Variants in EPHX1 observed in about 807,000 individuals in gnomAD.
The protein encoded by EPHX1 is epoxide hydrolase 1, also known as epoxide hydratase.
Under a neutral mutation model 43.2 loss-of-function variants are expected in EPHX1, and 40 were observed. The ratio of observed to expected loss-of-function variants is 0.93; its 90% CI spans 0.72 to 1.21. EPHX1 has a LOEUF of 1.21. EPHX1 is among the 50% of genes most tolerant of loss of function. EPHX1 has a pLI of 0.00. For missense variants in EPHX1, 550 were observed against 570.4 expected (o/e 0.96, Z 0.36); for synonymous variants, 221 against 226.7 (o/e 0.98, Z 0.22).
intron 3 of EPHX1, among the ~76,000 whole-genome samples, chr1:225,834,265 C>T (rs1216188818): frequency 1.3e-5 from 2 of 151,072 alleles, no homozygotes; most frequent in Non-Finnish European, 2.9e-5. Flanking sequence ...ATTAGCTGGG[C>T]ATGGTGGCAC....
At chr1:225,844,216 AG>A (rs1291094371) in intron 7 of EPHX1, among the ~76,000 whole-genome samples, 9 of 149,510 alleles carry the variant, frequency 6.0e-5, no homozygotes, top group Admixed American at 5.3e-4. Context: ...GAGGGGAGGG[AG>A]GAGAGGTCAG....
In EPHX1 at chr1:225,845,103, C is replaced by CAGGGCCA. The variant is rs760222387; in HGVS notation, c.1167-42_1167-36dup. The CAGGGCCA allele has an allele frequency of 2.4e-5, 38 of 1,603,892 alleles. No homozygotes were observed. In the African/African-American group the frequency reaches 3.9e-4, roughly 16 times the overall value. On this transcript the variant is annotated intron_variant, in intron 8 of 8. Coordinates refer to ENST00000272167, the MANE Select transcript of EPHX1 (RefSeq NM_001136018.4). ...CCCTGCTGTGCAGGACGGAGGGGCG[C>CAGGGCCA]AGGGCCACAGCCTCACCCCTCCGTC...
At chr1:225,837,579 G>A (rs991178168) in intron 3 of EPHX1, among the ~76,000 whole-genome samples, 1 of 152,212 alleles carries the variant, frequency 6.6e-6, no homozygotes, top group Non-Finnish European at 1.5e-5. Flanking sequence ...GTGTGGTGGT[G>A]TGATCTCGGC....
intron 2 of EPHX1, 101 bp downstream of exon 2, chr1:225,829,013 G>C: frequency 7.4e-7 from 1 of 1,352,304 alleles, no homozygotes; most frequent in Non-Finnish European, 1.0e-6. Context: ...ACGGGGGCTT[G>C]GGAATGGTCC....
At position 225,833,039 on chromosome 1, in the gene EPHX1, C is replaced by T. The variant is rs116645885; in HGVS notation, c.364+1080C>T. On this transcript the variant is annotated intron_variant, in intron 3 of 8. Coordinates refer to ENST00000272167, the MANE Select transcript of EPHX1 (RefSeq NM_001136018.4). The stretch of plus-strand genomic sequence containing the variant: ...CTGTGTTGCTCAGGCTGGAGTGCAG[C>T]GGCTATTCACAGGCGTGATCATGGC... 3.3e-3 allele frequency among the ~76,000 whole-genome samples: 498 copies of T among 152,290 alleles called. 1 individual carries two copies. Among genetic ancestry groups the T allele is most frequent in the Non-Finnish European group, 5.5e-3 (375 of 68,018 alleles).
intron 1 of EPHX1, among the ~76,000 whole-genome samples, chr1:225,827,678 GT>G (rs1667317016): frequency 6.6e-6 from 1 of 152,216 alleles, no homozygotes; most frequent in Admixed American, 6.5e-5. Context: ...AGGGTATGGA[GT>G]TTCTCCGTGC....
At chr1:225,839,607 G>C (rs1170143223) in intron 5 of EPHX1, among the ~76,000 whole-genome samples, 1 of 152,086 alleles carries the variant, frequency 6.6e-6, no homozygotes, top group Non-Finnish European at 1.5e-5. Context: ...CTCTCTGCTG[G>C]ACCAAGCTCT....
intron 4 of EPHX1, 139 bp downstream of exon 4, chr1:225,839,020 G>A: frequency 7.6e-7 from 1 of 1,320,266 alleles, no homozygotes; most frequent in Non-Finnish European, 1.1e-6. Context: ...TGAGAGGCCG[G>A]CCCCAGACAC....
At chr1:225,832,220 A>G (rs918686803) in intron 3 of EPHX1, 2 of 464,654 alleles carry the variant, frequency 4.3e-6, no homozygotes, top group African/African-American at 3.9e-5. Flanking sequence ...TGATGTGGCA[A>G]TCTTTGAGAG....
chr1:225,842,923 T>TGCCTGACTCCCAGCTCTGTG (rs1303108056), intron 7 of EPHX1, among the ~76,000 whole-genome samples: 1 of 152,362 alleles, frequency 6.6e-6, no homozygotes, highest in East Asian at 1.9e-4. Context: ...ATCCTCTACA[T>TGCCTGACTCCCAGCTCTGTG]GCCTGACTCC....
chr1:225,826,015 GT>G (rs755973071), intron 1 of EPHX1, among the ~76,000 whole-genome samples: 1 of 152,208 alleles, frequency 6.6e-6, no homozygotes. Flanking sequence ...GCTGATGCAT[GT>G]TTTTTCTTTT....
chr1:225,823,009 G>C (rs1191546314), intron 1 of EPHX1, among the ~76,000 whole-genome samples: 1 of 152,148 alleles, frequency 6.6e-6, no homozygotes, highest in Non-Finnish European at 1.5e-5. Flanking sequence ...ACGGTAATTA[G>C]GGATTTAGGG....
rs371299538 is a variant in EPHX1, at chr1:225,826,490, T to TG, written c.-5-2233dup. ...AAAAAGGGAAAGCAATGGCCTGGCT[T>TG]GGCTGGAGATGGAACATGCATCAAC... is the stretch of plus-strand genomic sequence containing the variant. On this transcript the variant is annotated intron_variant, in intron 1 of 8. Coordinates refer to ENST00000272167, the MANE Select transcript of EPHX1 (RefSeq NM_001136018.4). Among the ~76,000 whole-genome samples the TG allele has an allele frequency of 1.5e-3, 217 of 147,398 alleles. 1 individual carries two copies. The highest frequency in any genetic ancestry group is 2.6e-3 in the Non-Finnish European group (171 of 67,024).
intron 1 of EPHX1, among the ~76,000 whole-genome samples, chr1:225,814,943 G>A (rs1666649727): frequency 6.6e-6 from 1 of 152,248 alleles, no homozygotes; most frequent in Admixed American, 6.5e-5. Context: ...CCAGGTATGG[G>A]TATATCCTGC....
intron 2 of EPHX1, among the ~76,000 whole-genome samples, chr1:225,829,397 G>T (rs1261480037): frequency 6.6e-6 from 1 of 152,206 alleles, no homozygotes; most frequent in Non-Finnish European, 1.5e-5. Context: ...TTCCCAAACT[G>T]CAGATGCAGA....
intron 5 of EPHX1, 72 bp downstream of exon 5, chr1:225,839,418 C>T (rs1668204804): frequency 6.3e-7 from 1 of 1,577,374 alleles, no homozygotes; most frequent in Non-Finnish European, 8.6e-7. Context: ...AAGAAGTGGA[C>T]CTGTGTGCAG....
At position 225,845,379 on chromosome 1, in the gene EPHX1, C is replaced by T. The variant is rs781593410; in HGVS notation, c.*32C>T. On this transcript the variant is annotated 3_prime_UTR_variant, in exon 9 of 9. Coordinates refer to ENST00000272167, the MANE Select transcript of EPHX1 (RefSeq NM_001136018.4). ...CCTCTCCCCCCGCCTGCCACCTCCC[C>T]CCACAAGTGCCCTCCAGGCTTTTCT... The T allele has an allele frequency of 6.5e-6, 10 of 1,543,338 alleles. No individual in the cohort carries two copies. In the South Asian group the frequency reaches 1.1e-4, roughly 16 times the overall value.
At chr1:225,820,785 G>A (rs1219220802) in intron 1 of EPHX1, among the ~76,000 whole-genome samples, 1 of 151,812 alleles carries the variant, frequency 6.6e-6, no homozygotes, top group Non-Finnish European at 1.5e-5. Flanking sequence ...AACCACTTCT[G>A]CTTGTGCACA....
At chr1:225,844,173 T>C (rs1668692530) in intron 7 of EPHX1, among the ~76,000 whole-genome samples, 1 of 151,692 alleles carries the variant, frequency 6.6e-6, no homozygotes, top group Non-Finnish European at 1.5e-5. Flanking sequence ...CCACAGTAGC[T>C]GGTGCCCTGA....
Sources: gnomAD v4.1 joint callset for allele counts (sites outside exome capture counted in the v4.1 genomes callset) on GRCh38, gnomAD v4.1.1 for gene constraint, MANE v1.5 for transcripts, NCBI Gene and HGNC (gene_info 2026-07-23, HGNC 2026-07-21) for gene names.